KCNH5: variants seen among roughly 807,000 people sequenced by gnomAD.
KCNH5 encodes voltage-gated delayed rectifier potassium channel KCNH5.
In KCNH5, 46 loss-of-function variants were observed where a neutral mutation model predicts 96.1. The ratio of observed to expected loss-of-function variants is 0.48; its 90% CI spans 0.38 to 0.61. KCNH5 has a LOEUF of 0.61. Ranked by LOEUF, KCNH5 falls within the 20% of genes least tolerant of loss-of-function variation. The pLI is 0.00. For synonymous variants in KCNH5, 439 were observed against 449.8 expected, an observed-to-expected ratio of 0.98 and a Z score of 0.30; for missense variants, 907 against 1,225.8, an observed-to-expected ratio of 0.74 and a Z score of 3.88.
chr14:62,722,890 C>T (rs1329305453), intron 10 of KCNH5, among the ~76,000 whole-genome samples: 3 of 152,190 alleles, frequency 2.0e-5, no homozygotes, highest in Non-Finnish European at 2.9e-5. Flanking sequence ...GACTGAAACC[C>T]GTTTCCTACT....
intron 7 of KCNH5, among the ~76,000 whole-genome samples, chr14:62,854,608 C>T (rs939023455): frequency 6.6e-6 from 1 of 151,924 alleles, no homozygotes; most frequent in African/African-American, 2.4e-5. Context: ...ATGAAGGTAT[C>T]ATATAGTCAA....
rs544747086 is a variant in KCNH5 at position 62,949,510 on chromosome 14, T to C, written c.1369+623A>G. Among the ~76,000 whole-genome samples, 5 of 152,308 alleles carry C rather than the reference T, an allele frequency of 3.3e-5. No homozygotes were observed. In the South Asian group the frequency reaches 6.2e-4, roughly 19 times the overall value. ...CTGAGTGCAGAGCACATGGTCTTTG[T>C]TCCTTTAGGGGGTATTCTACTTCCA... On this transcript the variant is annotated intron_variant, in intron 7 of 10. Coordinates refer to ENST00000322893, the MANE Select transcript of KCNH5 (RefSeq NM_139318.5).
intron 10 of KCNH5, among the ~76,000 whole-genome samples, chr14:62,761,423 T>A (rs1008391987): frequency 6.6e-6 from 1 of 151,306 alleles, no homozygotes; most frequent in African/African-American, 2.4e-5. Flanking sequence ...AGAATCAGCA[T>A]GGAAGCTTTT....
chr14:63,010,961 G>A (rs180865247), intron 2 of KCNH5, among the ~76,000 whole-genome samples: 28 of 152,276 alleles, frequency 1.8e-4, no homozygotes, highest in African/African-American at 6.7e-4. Context: ...CCATAATACA[G>A]GGTAATATTA....
At chr14:62,751,901 A>C (rs1885508524) in intron 10 of KCNH5, among the ~76,000 whole-genome samples, 1 of 152,226 alleles carries the variant, frequency 6.6e-6, no homozygotes, top group Non-Finnish European at 1.5e-5. Flanking sequence ...ATGTACTCCC[A>C]AAAGGGTCTG....
rs369184868 is a variant in KCNH5 at position 62,940,513 on chromosome 14, G to C, written c.1369+9620C>G. On this transcript the variant is annotated intron_variant, in intron 7 of 10. Transcript: ENST00000322893. ...TTCTTATTTATCCCACAACCTTTAG[G>C]ATAAAAGGCAAACTCCTTGTGAAGC... Among the ~76,000 whole-genome samples the C allele has an allele frequency of 3.3e-5, 5 of 152,126 alleles. No homozygotes were observed. The South Asian group carries it at 8.3e-4, about 25-fold the overall frequency.
rs61444088 is a variant in KCNH5, at chr14:62,853,456, C to CATATATATATATATAT, written c.1370-3620_1370-3605dup. The stretch of plus-strand genomic sequence containing the variant: ...TCATTTCCCAAACAAAAAGAATAAT[C>CATATATATATATATAT]ATATATATATATATATATATATATC... On this transcript the variant is annotated intron_variant, in intron 7 of 10. Transcript: ENST00000322893. Among the ~76,000 whole-genome samples, 101 of 93,268 alleles carry CATATATATATATATAT rather than the reference C, an allele frequency of 1.1e-3. 3 individuals carry two copies. Among genetic ancestry groups the CATATATATATATATAT allele is most frequent in the South Asian group, 5.4e-3 (12 of 2,230 alleles). 61.2% of individuals were successfully genotyped at this position (93,268 alleles called of 152,430 possible).
intron 7 of KCNH5, among the ~76,000 whole-genome samples, chr14:62,923,500 T>A (rs1287251761): frequency 3.3e-5 from 5 of 151,902 alleles, no homozygotes; most frequent in African/African-American, 1.2e-4. Context: ...TAAAAGACCC[T>A]GAATAGCTAA....
chr14:62,854,426 G>A (rs1299403799), intron 7 of KCNH5, among the ~76,000 whole-genome samples: 1 of 152,116 alleles, frequency 6.6e-6, no homozygotes, highest in Non-Finnish European at 1.5e-5. Flanking sequence ...AATATACACT[G>A]TTAAGGCAGG....
chr14:62,827,107 G>A (rs1887242758), intron 8 of KCNH5, among the ~76,000 whole-genome samples: 1 of 151,994 alleles, frequency 6.6e-6, no homozygotes, highest in African/African-American at 2.4e-5. Context: ...AAAACTTAAT[G>A]CAACTAAAAC....
intron 10 of KCNH5, among the ~76,000 whole-genome samples, chr14:62,720,000 T>C (rs1445211951): frequency 1.3e-5 from 2 of 152,224 alleles, no homozygotes; most frequent in Non-Finnish European, 2.9e-5. Flanking sequence ...AGATATTTTA[T>C]ATGATGTCTG....
chr14:62,921,997 G>A (rs904463923), intron 7 of KCNH5, among the ~76,000 whole-genome samples: 1 of 151,966 alleles, frequency 6.6e-6, no homozygotes, highest in African/African-American at 2.4e-5. Context: ...TAACAACTGT[G>A]TAACATAGGT....
intron 7 of KCNH5, among the ~76,000 whole-genome samples, chr14:62,910,894 A>G (rs1889136027): frequency 9.6e-6 from 1 of 104,122 alleles, no homozygotes; most frequent in Non-Finnish European, 2.0e-5. Context: ...ATGTGTGTGC[A>G]TACACCACAC....
intron 6 of KCNH5, among the ~76,000 whole-genome samples, chr14:62,952,259 GA>G (rs1890021754): frequency 6.6e-6 from 1 of 152,098 alleles, no homozygotes; most frequent in Admixed American, 6.5e-5. Context: ...ACACTTGGGG[GA>G]AAAAGATGCT....
intron 1 of KCNH5, among the ~76,000 whole-genome samples, chr14:63,032,425 G>A (rs977181623): frequency 3.3e-5 from 5 of 152,112 alleles, no homozygotes; most frequent in African/African-American, 1.2e-4. Context: ...CCTTCACAGT[G>A]CTCCCATTCA....
At chr14:62,747,644 G>A (rs1364768330) in intron 10 of KCNH5, among the ~76,000 whole-genome samples, 1 of 152,216 alleles carries the variant, frequency 6.6e-6, no homozygotes. Flanking sequence ...CTCAGCACAT[G>A]CAGCAAAACA....
intron 10 of KCNH5, among the ~76,000 whole-genome samples, chr14:62,731,038 C>T (rs886151706): frequency 4.6e-5 from 7 of 152,138 alleles, no homozygotes; most frequent in East Asian, 1.9e-4. Flanking sequence ...CAGTGGCTTA[C>T]ACCTGTAATC....
At chr14:62,813,367 A>T (rs984677111) in intron 8 of KCNH5, among the ~76,000 whole-genome samples, 1 of 152,166 alleles carries the variant, frequency 6.6e-6, no homozygotes, top group Non-Finnish European at 1.5e-5. Context: ...CAGACTGAAC[A>T]CTATTAATGA....
intron 7 of KCNH5, among the ~76,000 whole-genome samples, chr14:62,944,784 A>T (rs1418640395): frequency 6.6e-6 from 1 of 152,122 alleles, no homozygotes; most frequent in Non-Finnish European, 1.5e-5. Flanking sequence ...CCAAGGACCC[A>T]AGGACTAAAA....
Sources: gnomAD v4.1 joint callset for allele counts (sites outside exome capture counted in the v4.1 genomes callset) on GRCh38, gnomAD v4.1.1 for gene constraint, MANE v1.5 for transcripts, NCBI Gene and HGNC (gene_info 2026-07-23, HGNC 2026-07-21) for gene names.